Variants in ZFYVE21 observed in about 807,000 individuals in gnomAD.
ZFYVE21 encodes the protein zinc finger FYVE domain-containing protein 21.
Under a neutral mutation model 29.5 loss-of-function variants are expected in ZFYVE21, and 21 were observed. That is an observed-to-expected ratio of 0.71 (90% confidence interval 0.50 to 1.02). The LOEUF is 1.02. Ranked by LOEUF, ZFYVE21 falls within the 50% of genes least tolerant of loss-of-function variation. ZFYVE21 has a pLI of 0.00. For missense variants in ZFYVE21, 326 were observed against 335.4 expected, an observed-to-expected ratio of 0.97 and a Z score of 0.22; for synonymous variants, 151 against 133.8, an observed-to-expected ratio of 1.13 and a Z score of -0.89.
At chr14:103,727,650 AGGCGT>A (rs749853804) in intron 2 of ZFYVE21, 91 bp from the exon 3 acceptor site, 1 of 1,517,398 alleles carries the variant, frequency 6.6e-7, no homozygotes, top group Non-Finnish European at 9.0e-7. Context: ...CCTCGCGTTT[AGGCGT>A]GGCCCGGGGA....
In ZFYVE21 at chr14:103,727,922, CG is replaced by C; in HGVS notation, c.358+11del. On this transcript the variant is annotated intron_variant, in intron 3 of 6. Transcript: ENST00000311141. The stretch of plus-strand genomic sequence containing the variant: ...TCAAAGTGCTCCTGAGCGGTAAGGA[CG>C]GGTGTCCTGCACAGTCCCGCGCGCT... The C allele has an allele frequency of 1.2e-6, 2 of 1,609,180 alleles. No individual in the cohort carries two copies. Among genetic ancestry groups the C allele is most frequent in the East Asian group, 4.5e-5 (2 of 44,692 alleles).
At chr14:103,727,467 G>A in intron 2 of ZFYVE21, 2 of 587,834 alleles carry the variant, frequency 3.4e-6, no homozygotes, top group South Asian at 3.0e-5. Flanking sequence ...AGGCGCGAGG[G>A]CGTCCTAAGC....
At chr14:103,725,676 T>C (rs929689479) in intron 1 of ZFYVE21, 1 of 152,264 alleles carries the variant, frequency 6.6e-6, no homozygotes, top group African/African-American at 2.4e-5. Flanking sequence ...GACCACCACA[T>C]GTGTGTCTCT....
At chr14:103,724,069 A>G (rs951382983) in intron 1 of ZFYVE21, among the ~76,000 whole-genome samples, 3 of 152,144 alleles carry the variant, frequency 2.0e-5, no homozygotes, top group Non-Finnish European at 4.4e-5. Flanking sequence ...CCCCATGCCT[A>G]TGAGGGAGAG....
intron 1 of ZFYVE21, chr14:103,724,758 C>T (rs1286708184): frequency 1.3e-5 from 2 of 152,270 alleles, no homozygotes; most frequent in Non-Finnish European, 2.9e-5. Flanking sequence ...TCATTGAACC[C>T]ACACCTGTTT....
chr14:103,729,462 C>T (rs2083955966), intron 5 of ZFYVE21: 4 of 566,332 alleles, frequency 7.1e-6, no homozygotes, highest in South Asian at 4.4e-5. Flanking sequence ...ACGTATCATT[C>T]GGTTTATTGT....
chr14:103,718,384 A>C (rs1044030323), intron 1 of ZFYVE21, among the ~76,000 whole-genome samples: 136 of 151,530 alleles, frequency 9.0e-4, no homozygotes, highest in Non-Finnish European at 2.9e-5. Context: ...ATGCTGCAAA[A>C]CCCCCTGGGG....
intron 1 of ZFYVE21, among the ~76,000 whole-genome samples, chr14:103,721,175 C>G (rs2151950897): frequency 6.6e-6 from 1 of 152,268 alleles, no homozygotes; most frequent in Non-Finnish European, 1.5e-5. Context: ...ACCGGGAAGC[C>G]TAGTTTATGG....
Position 103,718,033 on chromosome 14 carries a change from T to TAC in ZFYVE21, c.138+2057_138+2058dup, listed in dbSNP as rs753991578. On this transcript the variant is annotated intron_variant, in intron 1 of 6. Transcript: ENST00000311141. The stretch of plus-strand genomic sequence containing the variant: ...GGTGATGCTGAAGGGGACACTGAGC[T>TAC]ACACTGTGCTGGCTGCGTGCTTGGG... Among the ~76,000 whole-genome samples, 7 of 152,336 alleles carry TAC rather than the reference T, an allele frequency of 4.6e-5. No homozygotes were observed. The East Asian group carries it at 1.3e-3, about 29-fold the overall frequency.
intron 1 of ZFYVE21, chr14:103,725,800 A>G (rs1347741552): frequency 6.6e-6 from 1 of 152,234 alleles, no homozygotes; most frequent in African/African-American, 2.4e-5. Context: ...ACTGATTTCA[A>G]TTCCACCTTT....
At chr14:103,724,310 C>T (rs143533852) in intron 1 of ZFYVE21, among the ~76,000 whole-genome samples, 228 of 152,376 alleles carry the variant, frequency 1.5e-3, no homozygotes, top group Non-Finnish European at 3.0e-3. Context: ...TGGGCTGGAA[C>T]GGTGCCATGC....
chr14:103,723,824 C>G (rs976723322), intron 1 of ZFYVE21, among the ~76,000 whole-genome samples: 1 of 152,218 alleles, frequency 6.6e-6, no homozygotes. Flanking sequence ...TCTCCGAGCC[C>G]CCTGTGGAGG....
At chr14:103,725,934 G>A (rs969299255) in intron 1 of ZFYVE21, 1 of 152,372 alleles carries the variant, frequency 6.6e-6, no homozygotes, top group Non-Finnish European at 1.5e-5. Flanking sequence ...CCCAGGTCTT[G>A]TGCTGTCAGA....
intron 2 of ZFYVE21, 53 bp downstream of exon 2, chr14:103,726,895 A>G: frequency 6.3e-7 from 1 of 1,597,610 alleles, no homozygotes; most frequent in Middle Eastern, 1.7e-4. Context: ...GGGCCCCAAC[A>G]GGACAGCTGC....
chr14:103,725,403 C>T (rs1361014822), intron 1 of ZFYVE21: 1 of 152,410 alleles, frequency 6.6e-6, no homozygotes, highest in Non-Finnish European at 1.5e-5. Context: ...GGGACCCACG[C>T]CCCTCAGAAG....
intron 2 of ZFYVE21, 109 bp downstream of exon 2, chr14:103,726,951 T>TTTTTTTTTGTG: frequency 8.5e-7 from 1 of 1,180,208 alleles, no homozygotes; most frequent in Non-Finnish European, 1.2e-6. Flanking sequence ...ATGGCTCGTT[T>TTTTTTTTTGTG]TTTTTTTTTT....
rs1303338868 is a variant in ZFYVE21, at chr14:103,716,537, G to C, written c.138+558G>C. On this transcript the variant is annotated intron_variant, in intron 1 of 6. Transcript: ENST00000311141. This position sits in a 1 kb window ranked among gnomAD's most constrained non-coding sequence, Gnocchi z 4.8. Reference sequence around the variant, plus strand: ...ACCTCCTGCTCGGAAGGAGGGCCAGGACCCAGTCTGCGGGCCAGGCTGCCC... The same window carrying C: ...ACCTCCTGCTCGGAAGGAGGGCCAGCACCCAGTCTGCGGGCCAGGCTGCCC... Among the ~76,000 whole-genome samples the C allele has an allele frequency of 2.0e-5, 3 of 152,348 alleles. No individual in the cohort carries two copies. Among genetic ancestry groups the C allele is most frequent in the Admixed American group, 6.5e-5 (1 of 15,312 alleles).
intron 1 of ZFYVE21, among the ~76,000 whole-genome samples, chr14:103,721,819 T>A (rs772012488): frequency 6.6e-6 from 1 of 152,264 alleles, no homozygotes; most frequent in Non-Finnish European, 1.5e-5. Flanking sequence ...TGGGTTGTTC[T>A]TGGAGGTTTT....
At position 103,715,973 on chromosome 14, in the gene ZFYVE21, C is replaced by A; in HGVS notation, c.132C>A (p.Asp44Glu). Reference protein sequence around the residue: ...FGLEEPQWVPDKECRRCMQCD... With the variant: ...FGLEEPQWVPEKECRRCMQCD... ...TGGAGGAGCCGCAGTGGGTCCCGGACAAGGAGGTGGGTGGCCGTCGCCCCG... is the reference window on the plus strand; with the variant it reads ...TGGAGGAGCCGCAGTGGGTCCCGGAAAAGGAGGTGGGTGGCCGTCGCCCCG... Residue 44 changes from aspartate (D) to glutamate (E), a missense_variant, in exon 1 of 7, where the codon GAC (aspartate) becomes GAA (glutamate). Coordinates refer to ENST00000311141, the MANE Select transcript of ZFYVE21 (RefSeq NM_024071.4). 1 of 1,338,880 alleles carries A rather than the reference C, an allele frequency of 7.5e-7. No individual in the cohort carries two copies. Among genetic ancestry groups the A allele is most frequent in the South Asian group, 1.7e-5 (1 of 58,740 alleles). The allele number at this position is 1,338,880 out of a possible 1,614,324, so 82.9% of individuals were successfully genotyped here.
Sources: allele counts gnomAD v4.1 joint callset (sites outside exome capture counted in the v4.1 genomes callset), GRCh38; gene constraint gnomAD v4.1.1; non-coding constraint Gnocchi (gnomAD v3.1); transcripts MANE v1.5; gene names NCBI Gene and HGNC (gene_info 2026-07-23, HGNC 2026-07-21).